The following ITGA7 variants were observed in gnomAD, a reference collection of about 807,000 sequenced individuals.
ITGA7 encodes integrin alpha-7.
In ITGA7, 84 loss-of-function variants were observed where a neutral mutation model predicts 131.6. That is an observed-to-expected ratio of 0.64 (90% CI 0.54 to 0.77). ITGA7 has a LOEUF of 0.77. Ranked by LOEUF, ITGA7 falls within the 30% of genes least tolerant of loss-of-function variation. The pLI is 0.00. For missense variants in ITGA7, 1,399 were observed against 1,482.9 expected, an observed-to-expected ratio of 0.94 and a Z score of 0.93; for synonymous variants, 548 against 600.7, an observed-to-expected ratio of 0.91 and a Z score of 1.28.
Position 55,689,744 on chromosome 12 carries a change from A to G in ITGA7, c.2845-787T>C, listed in dbSNP as rs900059587. On this transcript the variant is annotated intron_variant, in intron 21 of 24. Coordinates refer to ENST00000257879, the MANE Select transcript of ITGA7 (RefSeq NM_002206.3). ...GGCCTTCTGCCTTTTTAGTAAAAGA[A>G]TCTACTTTAGTACTAGTACCAAAAC... Among the ~76,000 whole-genome samples the G allele has an allele frequency of 9.2e-5, 14 of 152,352 alleles. 1 individual carries two copies. The South Asian group carries it at 1.2e-3, about 14-fold the overall frequency.
chr12:55,691,383 A>G (rs1043117679), intron 21 of ITGA7, among the ~76,000 whole-genome samples: 2 of 152,038 alleles, frequency 1.3e-5, no homozygotes, highest in African/African-American at 2.4e-5. Flanking sequence ...GACAGAAGGA[A>G]GAGATATCTA....
chr12:55,706,567 C>T (rs1875230082), intron 1 of ITGA7, among the ~76,000 whole-genome samples: 1 of 152,126 alleles, frequency 6.6e-6, no homozygotes, highest in Non-Finnish European at 1.5e-5. Context: ...CACCTCTGGC[C>T]TCCCTTTTTA....
upstream of ITGA7, among the ~76,000 whole-genome samples, chr12:55,713,542 C>T (rs1193925460): frequency 6.6e-6 from 1 of 152,174 alleles, no homozygotes; most frequent in East Asian, 1.9e-4. Flanking sequence ...TCAGATTCTT[C>T]ATCTGCAAAT....
At chr12:55,713,953 C>T (rs1876311748), upstream of ITGA7, among the ~76,000 whole-genome samples, 1 of 152,198 alleles carries the variant, frequency 6.6e-6, no homozygotes, top group African/African-American at 2.4e-5. Context: ...AATATAATGA[C>T]GTCAACTTCA....
rs199504152 is a variant in ITGA7 at position 55,697,200 on chromosome 12, G to C, written c.1567+16C>G. ...AAACCCAAAAGGGCGAGCCACAGAG[G>C]GGGGACCGCACTCACCCACAGTAGG... On this transcript the variant is annotated intron_variant, in intron 11 of 24. Coordinates refer to ENST00000257879, the MANE Select transcript of ITGA7 (RefSeq NM_002206.3). 423 of 1,591,898 alleles carry C rather than the reference G, an allele frequency of 2.7e-4. 1 individual carries two copies. Among genetic ancestry groups the C allele is most frequent in the East Asian group, 7.9e-4 (35 of 44,152 alleles).
At chr12:55,705,003 T>C (rs1037271216) in intron 1 of ITGA7, among the ~76,000 whole-genome samples, 2 of 152,232 alleles carry the variant, frequency 1.3e-5, no homozygotes, top group African/African-American at 2.4e-5. Context: ...AGTGTCAGAA[T>C]GTGTTTACTG....
chr12:55,707,427 G>T, intron 1 of ITGA7, 50 bp downstream of exon 1: 1 of 1,458,354 alleles, frequency 6.9e-7, no homozygotes, highest in Non-Finnish European at 9.6e-7. Context: ...TGGGGAGGGG[G>T]ACGATCTGTG....
At chr12:55,700,071 C>T (rs1873630261) in intron 4 of ITGA7, 82 bp from the exon 5 acceptor site, 5 of 1,544,604 alleles carry the variant, frequency 3.2e-6, no homozygotes, top group Non-Finnish European at 4.5e-6. Flanking sequence ...CACAGAAAGG[C>T]CAGAAAATGG....
chr12:55,695,421 C>T lies in ITGA7; in HGVS notation c.2003+101G>A, dbSNP rs543980208. The T allele has an allele frequency of 8.7e-4, 742 of 852,962 alleles. 6 individuals carry two copies. In the African/African-American group the frequency reaches 0.01, roughly 12 times the overall value. The allele number at this position is 852,962 out of a possible 1,614,324, so 52.8% of individuals were successfully genotyped here. ...CCTCTTCCACCTTCTGCCTTTTCTG[C>T]AGGCTCAGCCCTTCCCTCTGACTGG... On this transcript the variant is annotated intron_variant, in intron 14 of 24. Transcript: ENST00000257879.
At chr12:55,715,992 C>A, upstream of ITGA7, 1 of 1,483,448 alleles carries the variant, frequency 6.7e-7, no homozygotes, top group Non-Finnish European at 8.9e-7. Flanking sequence ...CCGCCAAGAT[C>A]TTCACCCAAG....
intron 1 of ITGA7, among the ~76,000 whole-genome samples, chr12:55,703,448 G>A (rs920453258): frequency 1.5e-5 from 2 of 133,646 alleles, no homozygotes; most frequent in East Asian, 2.6e-4. Flanking sequence ...ACACATACAC[G>A]CCAACCCAAG....
chr12:55,685,155 C>T lies in ITGA7; in HGVS notation c.3317G>A (p.Ser1106Asn). The T allele has an allele frequency of 1.2e-6, 2 of 1,613,980 alleles. No individual in the cohort carries two copies. Among genetic ancestry groups the T allele is most frequent in the Non-Finnish European group, 1.7e-6 (2 of 1,180,026 alleles). ...TGCATCCGGGCCCTCCCGCCGGGGG[C>T]TGCCCCAGTTGTTCCTCAGGATGGT... is the stretch of plus-strand genomic sequence containing the variant. The part of the protein sequence containing the change: ...TGTILRNNWG[S>N]PRREGPDAHP... Residue 1106 changes from serine (S) to asparagine (N), a missense_variant, in exon 25 of 25, where the codon AGC becomes AAC. Ser to Asn is a conservative substitution (Grantham distance 46). Transcript: ENST00000257879.
In ITGA7 at chr12:55,684,964, G is replaced by A. The variant is rs1015918767; in HGVS notation, c.*94C>T. On this transcript the variant is annotated 3_prime_UTR_variant, in exon 25 of 25. Coordinates refer to ENST00000257879, the MANE Select transcript of ITGA7 (RefSeq NM_002206.3). ...AGCCGATCCTGCCAAATCTTGATGC[G>A]ACACCAGCAGCCCACTCTACCCTCT... The A allele has an allele frequency of 1.4e-5, 15 of 1,079,504 alleles. No individual in the cohort carries two copies. The highest frequency in any genetic ancestry group is 3.0e-4 in the Middle Eastern group (1 of 3,288). The allele number at this position is 1,079,504 out of a possible 1,614,324, so 66.9% of individuals were successfully genotyped here.
chr12:55,707,208 A>G (rs1875378227), intron 1 of ITGA7, among the ~76,000 whole-genome samples: 2 of 152,176 alleles, frequency 1.3e-5, no homozygotes, highest in African/African-American at 4.8e-5. Flanking sequence ...GTTGGGGGAA[A>G]GGCCCAGAAG....
At position 55,687,586 on chromosome 12, in the gene ITGA7, G is replaced by A. The variant is rs577954072; in HGVS notation, c.3183+385C>T. On this transcript the variant is annotated intron_variant, in intron 24 of 24. Coordinates refer to ENST00000257879, the MANE Select transcript of ITGA7 (RefSeq NM_002206.3). ...GGCTCACTGCAACCCCACCTTTCGAGTTCAATCGATTCTCCTGCCTCAGCC... is the reference window on the plus strand; with the variant it reads ...GGCTCACTGCAACCCCACCTTTCGAATTCAATCGATTCTCCTGCCTCAGCC... Among the ~76,000 whole-genome samples the A allele has an allele frequency of 3.2e-4, 47 of 145,970 alleles. 1 individual carries two copies. In the South Asian group the frequency reaches 9.9e-3, roughly 31 times the overall value.
chr12:55,685,129 G>C lies in ITGA7; in HGVS notation c.3343C>G (p.His1115Asp), dbSNP rs936912849. 2 of 1,613,016 alleles carry C rather than the reference G, an allele frequency of 1.2e-6. No homozygotes were observed. The highest frequency in any genetic ancestry group is 4.5e-5 in the East Asian group (2 of 44,890). ...GSPRREGPDA[H>D]PILAADGHPE... ...TGCCCGTCAGCAGCCAGGATGGGGT[G>C]TGCATCCGGGCCCTCCCGCCGGGGG... The change falls in exon 25 of 25, where the codon CAC (histidine) becomes GAC (aspartate). Residue 1115 changes from histidine to aspartate, a missense_variant. His to Asp is a moderately conservative substitution (Grantham distance 81). Transcript: ENST00000257879.
intron 1 of ITGA7, among the ~76,000 whole-genome samples, chr12:55,703,617 G>A (rs1334407094): frequency 6.6e-6 from 1 of 152,072 alleles, no homozygotes; most frequent in Non-Finnish European, 1.5e-5. Flanking sequence ...AGAATGCTGG[G>A]AGCAAAAGTA....
At chr12:55,701,520 C>G in intron 3 of ITGA7, 1 of 1,075,176 alleles carries the variant, frequency 9.3e-7, no homozygotes, top group Non-Finnish European at 1.4e-6. Context: ...GTCCCTGGAC[C>G]TTTGTAAGTG....
At position 55,694,460 on chromosome 12, in the gene ITGA7, T is replaced by C. The variant is rs771940689; in HGVS notation, c.2340A>G (p.Val780=). 1.2e-6 allele frequency: 2 copies of C among 1,613,742 alleles called. No individual in the cohort carries two copies. Among genetic ancestry groups the C allele is most frequent in the Non-Finnish European group, 8.5e-7 (1 of 1,179,606 alleles). Residue 780 remains valine (V), a synonymous_variant, in exon 17 of 25, where the codon GTA becomes GTG. Coordinates refer to ENST00000257879, the MANE Select transcript of ITGA7 (RefSeq NM_002206.3). This position sits in a 1 kb window ranked among gnomAD's most constrained non-coding sequence, Gnocchi z 5.3. ...TGGCTTACGTGGCCAACAGCAGCTC[T>C]ACCTCCAGTTCCGTGGTCTCAATGC... ...GISIETTELE[V]ELLLATISEQ... is the part of the protein sequence containing the mutation.
Sources: gnomAD v4.1 joint callset for allele counts (sites outside exome capture counted in the v4.1 genomes callset) on GRCh38, gnomAD v4.1.1 for gene constraint, Gnocchi (gnomAD v3.1) non-coding constraint, MANE v1.5 for transcripts, NCBI Gene and HGNC (gene_info 2026-07-23, HGNC 2026-07-21) for gene names.